The following UNC5D variants were observed in gnomAD, a reference collection of about 807,000 sequenced individuals.
UNC5D encodes the protein netrin receptor UNC5D.
Under a neutral mutation model 105.4 loss-of-function variants are expected in UNC5D, and 39 were observed. The observed-to-expected ratio is 0.37, with a 90% CI of 0.29 to 0.48. The LOEUF is 0.48. Ranked by LOEUF, UNC5D falls within the 20% of genes least tolerant of loss-of-function variation. The pLI, the probability that UNC5D is intolerant of heterozygous loss-of-function variation, is 0.98. For synonymous variants in UNC5D, 452 were observed against 450.4 expected (o/e 1.00, Z -0.04); for missense variants, 991 against 1,202.4 (o/e 0.82, Z 2.60).
intron 1 of UNC5D, among the ~76,000 whole-genome samples, chr8:35,271,486 T>A (rs1805327927): frequency 7.0e-6 from 1 of 143,370 alleles, no homozygotes; most frequent in Admixed American, 6.9e-5. Context: ...TTTATACAGG[T>A]ACCTATATTT....
chr8:35,461,323 T>C (rs1808878403), intron 1 of UNC5D, among the ~76,000 whole-genome samples: 1 of 152,172 alleles, frequency 6.6e-6, no homozygotes, highest in South Asian at 2.1e-4. Flanking sequence ...TGGCTTTATA[T>C]CTTACGTGTC....
chr8:35,246,172 C>T (rs1803082519), intron 1 of UNC5D, among the ~76,000 whole-genome samples: 1 of 152,112 alleles, frequency 6.6e-6, no homozygotes, highest in Non-Finnish European at 1.5e-5. Flanking sequence ...ATTAAGGCTC[C>T]TTCCTGCTCT....
chr8:35,686,770 A>AAAGT, intron 7 of UNC5D, 61 bp downstream of exon 7: 1 of 1,502,632 alleles, frequency 6.7e-7, no homozygotes, highest in East Asian at 2.6e-5. Context: ...GCATCTCAAG[A>AAAGT]AAGTAAGCTA....
At chr8:35,315,129 G>A (rs758380266) in intron 1 of UNC5D, among the ~76,000 whole-genome samples, 26 of 152,110 alleles carry the variant, frequency 1.7e-4, no homozygotes, top group Non-Finnish European at 3.7e-4. Context: ...AATTATAACA[G>A]CTTATATTCA....
rs572651873 is a variant in UNC5D, at chr8:35,464,183, C to T, written c.104-85109C>T. On this transcript the variant is annotated intron_variant, in intron 1 of 16. Coordinates refer to ENST00000404895, the MANE Select transcript of UNC5D (RefSeq NM_080872.4). ...CTCTACTAAAAGCACAAAAATTAGC[C>T]GGGTATGGTGGTAGGTACCTGTAAT... is the stretch of plus-strand genomic sequence containing the variant. Among the ~76,000 whole-genome samples, 28 of 152,064 alleles carry T rather than the reference C, an allele frequency of 1.8e-4. 1 individual carries two copies. In the East Asian group the frequency reaches 3.1e-3, roughly 17 times the overall value.
chr8:35,299,301 C>A (rs973234972), intron 1 of UNC5D, among the ~76,000 whole-genome samples: 23 of 152,126 alleles, frequency 1.5e-4, no homozygotes, highest in African/African-American at 5.6e-4. Flanking sequence ...TGAGGAATGG[C>A]AGGTCCCCTG....
At chr8:35,268,009 T>G (rs561536201) in intron 1 of UNC5D, among the ~76,000 whole-genome samples, 5 of 152,186 alleles carry the variant, frequency 3.3e-5, no homozygotes, top group Non-Finnish European at 7.4e-5. Context: ...AATAAACTTA[T>G]AGAATGTTGA....
intron 3 of UNC5D, among the ~76,000 whole-genome samples, chr8:35,572,834 C>T (rs889136230): frequency 1.4e-5 from 2 of 143,310 alleles, no homozygotes; most frequent in Non-Finnish European, 3.0e-5. Context: ...GATGGAGTCT[C>T]TCTCTGTCGC....
chr8:35,330,852 G>A (rs1810568363), intron 1 of UNC5D, among the ~76,000 whole-genome samples: 2 of 152,162 alleles, frequency 1.3e-5, no homozygotes, highest in Non-Finnish European at 2.9e-5. Context: ...ACAAAATGTG[G>A]ATAAAGTGAT....
At chr8:35,655,696 G>A (rs1823683946) in intron 4 of UNC5D, among the ~76,000 whole-genome samples, 1 of 152,164 alleles carries the variant, frequency 6.6e-6, no homozygotes, top group African/African-American at 2.4e-5. Context: ...GACAGCAAAT[G>A]TTTTAGAAAT....
At chr8:35,338,920 C>T (rs1563325966) in intron 1 of UNC5D, among the ~76,000 whole-genome samples, 1 of 151,822 alleles carries the variant, frequency 6.6e-6, no homozygotes, top group East Asian at 1.9e-4. Context: ...TGATGTAAGC[C>T]TGTATGTACC....
chr8:35,490,442 T>C (rs933816786), intron 1 of UNC5D, among the ~76,000 whole-genome samples: 6 of 152,104 alleles, frequency 3.9e-5, no homozygotes, highest in African/African-American at 1.4e-4. Context: ...GCTGATCACT[T>C]GAGCCCAGAA....
intron 1 of UNC5D, among the ~76,000 whole-genome samples, chr8:35,410,885 G>C (rs1052982576): frequency 1.3e-5 from 2 of 152,130 alleles, no homozygotes; most frequent in Admixed American, 6.6e-5. Context: ...TGTTTCTATG[G>C]GAACTGTGTT....
At chr8:35,245,467 G>A (rs1046600340) in intron 1 of UNC5D, among the ~76,000 whole-genome samples, 82 of 151,948 alleles carry the variant, frequency 5.4e-4, no homozygotes, top group African/African-American at 1.9e-3. Context: ...AGCTTGTATC[G>A]GGAGGTTTCC....
chr8:35,616,744 G>A (rs767970053), intron 4 of UNC5D, among the ~76,000 whole-genome samples: 18 of 152,300 alleles, frequency 1.2e-4, no homozygotes, highest in Non-Finnish European at 2.5e-4. Context: ...AAATTTGCAC[G>A]TTGTGCTTAA....
intron 3 of UNC5D, among the ~76,000 whole-genome samples, chr8:35,587,006 G>T (rs1459486357): frequency 6.6e-6 from 1 of 152,148 alleles, no homozygotes; most frequent in Non-Finnish European, 1.5e-5. Flanking sequence ...GGAAGGGGAG[G>T]CTGCTGCTTC....
chr8:35,761,930 T>G (rs538507209), intron 14 of UNC5D, among the ~76,000 whole-genome samples: 1 of 152,196 alleles, frequency 6.6e-6, no homozygotes, highest in Admixed American at 6.5e-5. Context: ...GAATGGATAA[T>G]GGCTTTTCAT....
At chr8:35,621,507 C>T (rs1056774159) in intron 4 of UNC5D, among the ~76,000 whole-genome samples, 3 of 152,014 alleles carry the variant, frequency 2.0e-5, no homozygotes, top group Non-Finnish European at 4.4e-5. Context: ...AGCTAGAATT[C>T]AAGGGATGAG....
chr8:35,272,991 T>C (rs1055980475), intron 1 of UNC5D, among the ~76,000 whole-genome samples: 1 of 152,166 alleles, frequency 6.6e-6, no homozygotes, highest in Non-Finnish European at 1.5e-5. Context: ...ACTGATATAA[T>C]TTGAGGAACT....
Sources: gnomAD v4.1 joint callset for allele counts (sites outside exome capture counted in the v4.1 genomes callset) on GRCh38, gnomAD v4.1.1 for gene constraint, MANE v1.5 for transcripts, NCBI Gene and HGNC (gene_info 2026-07-23, HGNC 2026-07-21) for gene names.